Variants in R3HDM1 observed in about 807,000 individuals in gnomAD.
R3HDM1 encodes R3H domain containing 1.
R3HDM1 carries 46 observed loss-of-function variants against 141.1 expected under a neutral mutation model. The observed-to-expected ratio is 0.33, with a 90% confidence interval of 0.26 to 0.42. The LOEUF is 0.42. Among genes scored for constraint, R3HDM1 ranks in the 10% least tolerant of loss-of-function variants. The pLI is 1.00. For missense variants in R3HDM1, 1,184 were observed against 1,368.3 expected (o/e 0.87, Z 2.12); for synonymous variants, 435 against 472.9 (o/e 0.92, Z 1.04).
chr2:135,638,626 T>C lies in R3HDM1; in HGVS notation c.912T>C (p.Cys304=). 1 of 1,609,172 alleles carries C rather than the reference T, an allele frequency of 6.2e-7. No homozygotes were observed. The highest frequency in any genetic ancestry group is 8.5e-7 in the Non-Finnish European group (1 of 1,175,748). The change falls in exon 12 of 27, where the codon TGT becomes TGC. Residue 304 remains cysteine (C), a synonymous_variant. Transcript: ENST00000683871. The part of the protein sequence containing the change: ...RDRIFSQDSL[C]SQENYIIDKR... Reference sequence around the variant, plus strand: ...TCTATTCTTTTTTCTAGTCCCTGTGTTCCCAAGAGAATTACATTATTGACA... The same window carrying C: ...TCTATTCTTTTTTCTAGTCCCTGTGCTCCCAAGAGAATTACATTATTGACA...
intron 18 of R3HDM1, among the ~76,000 whole-genome samples, chr2:135,660,824 C>T (rs1289214785): frequency 1.4e-5 from 2 of 142,104 alleles, no homozygotes; most frequent in South Asian, 2.2e-4. Context: ...CCAACCTGGG[C>T]GACAGAATGA....
intron 1 of R3HDM1, among the ~76,000 whole-genome samples, chr2:135,587,419 C>A (rs1035785566): frequency 5.3e-5 from 8 of 152,156 alleles, no homozygotes; most frequent in African/African-American, 1.7e-4. Flanking sequence ...TAATTCATCT[C>A]TTTTCTAGAG....
intron 21 of R3HDM1, among the ~76,000 whole-genome samples, chr2:135,687,415 T>A (rs220332): frequency 0.029 from 4,465 of 152,280 alleles, 199 homozygotes; most frequent in African/African-American, 0.093. Context: ...GCTCTCGTGT[T>A]TAAAACAAAC....
Position 135,622,639 on chromosome 2 carries a change from G to A in R3HDM1, c.419-15G>A, listed in dbSNP as rs779826471. On this transcript the variant is annotated splice_polypyrimidine_tract_variant and intron_variant, in intron 6 of 26. Transcript: ENST00000683871. Reference sequence around the variant, plus strand: ...AAACAACTTTATACTGGGTTTTTGTGTTGTTGTTTTTTAGATTCCAGTCAA... The same window carrying A: ...AAACAACTTTATACTGGGTTTTTGTATTGTTGTTTTTTAGATTCCAGTCAA... 5.7e-6 allele frequency: 9 copies of A among 1,586,274 alleles called. No individual in the cohort carries two copies. In the Admixed American group the frequency reaches 1.6e-4, roughly 28 times the overall value.
At chr2:135,588,665 A>G (rs1358138963) in intron 1 of R3HDM1, among the ~76,000 whole-genome samples, 2 of 152,132 alleles carry the variant, frequency 1.3e-5, no homozygotes, top group South Asian at 2.1e-4. Context: ...TTTGTCTTCT[A>G]AAGATATATG....
intron 1 of R3HDM1, among the ~76,000 whole-genome samples, chr2:135,550,458 T>C (rs1699620343): frequency 6.6e-6 from 1 of 152,220 alleles, no homozygotes; most frequent in South Asian, 2.1e-4. Context: ...TGTACTTCAT[T>C]AGCATTTAAC....
intron 7 of R3HDM1, among the ~76,000 whole-genome samples, chr2:135,627,346 A>G (rs2062149824): frequency 6.6e-6 from 1 of 152,146 alleles, no homozygotes; most frequent in Non-Finnish European, 1.5e-5. Flanking sequence ...TTTAATTTCA[A>G]GATTTTTGTT....
chr2:135,721,092 A>G (rs1203015243), intron 24 of R3HDM1, among the ~76,000 whole-genome samples: 1 of 152,196 alleles, frequency 6.6e-6, no homozygotes, highest in Non-Finnish European at 1.5e-5. Context: ...AGTTCCTACC[A>G]TGCACCCTCC....
intron 19 of R3HDM1, among the ~76,000 whole-genome samples, chr2:135,674,938 GTT>G (rs113400095): frequency 1.6e-4 from 20 of 124,330 alleles, no homozygotes; most frequent in African/African-American, 1.7e-4. Flanking sequence ...AATAGTTGTT[GTT>G]TTTTTTTTTT....
At chr2:135,537,607 CCTTATTTTATTTTAT>C (rs1346249651) in intron 1 of R3HDM1, among the ~76,000 whole-genome samples, 1 of 130,048 alleles carries the variant, frequency 7.7e-6, no homozygotes, top group Non-Finnish European at 1.6e-5. Context: ...TTTAGTGAGC[CCTTATTTTATTTTAT>C]TTTATTTTAT....
chr2:135,706,135 A>G (rs1285598494), intron 21 of R3HDM1, among the ~76,000 whole-genome samples: 1 of 151,844 alleles, frequency 6.6e-6, no homozygotes, highest in Non-Finnish European at 1.5e-5. Context: ...TCTCGAAAAA[A>G]AAAAAAAAAA....
intron 1 of R3HDM1, among the ~76,000 whole-genome samples, chr2:135,595,191 G>A (rs771330354): frequency 5.3e-5 from 8 of 152,082 alleles, no homozygotes; most frequent in Non-Finnish European, 1.2e-4. Flanking sequence ...TGAAATCATC[G>A]TTCTGCCATC....
chr2:135,662,527 CT>C (rs1219047182), intron 19 of R3HDM1, among the ~76,000 whole-genome samples: 1 of 152,114 alleles, frequency 6.6e-6, no homozygotes. Flanking sequence ...AGGTTCTCCC[CT>C]TTTTAGTATG....
rs547910720 is a variant in R3HDM1, at chr2:135,574,983, G to A, written c.-249-27517G>A. Among the ~76,000 whole-genome samples the A allele has an allele frequency of 4.6e-5, 7 of 152,192 alleles. No individual in the cohort carries two copies. In the South Asian group the frequency reaches 1.5e-3, roughly 32 times the overall value. On this transcript the variant is annotated intron_variant, in intron 1 of 26. Coordinates refer to ENST00000683871, the MANE Select transcript of R3HDM1 (RefSeq NM_001378107.1). Reference sequence around the variant, plus strand: ...ATTAACCAATATAGTTAGATACATCGATTTAAGGCATAAGAATGGGTAAAG... The same window carrying A: ...ATTAACCAATATAGTTAGATACATCAATTTAAGGCATAAGAATGGGTAAAG...
chr2:135,555,261 C>T (rs1700524001), intron 1 of R3HDM1, among the ~76,000 whole-genome samples: 1 of 148,928 alleles, frequency 6.7e-6, no homozygotes, highest in African/African-American at 2.5e-5. Context: ...CGAGCCACTG[C>T]ACTCCAGCCT....
chr2:135,632,069 C>CT, intron 9 of R3HDM1, 68 bp downstream of exon 9: 1 of 1,237,102 alleles, frequency 8.1e-7, no homozygotes, highest in Non-Finnish European at 1.1e-6. Context: ...TCTATATTAC[C>CT]TTTCATCTGA....
chr2:135,705,364 C>A (rs1169160868), intron 21 of R3HDM1, among the ~76,000 whole-genome samples: 1 of 152,162 alleles, frequency 6.6e-6, no homozygotes, highest in African/African-American at 2.4e-5. Context: ...CCTTCTGACA[C>A]CCAAATACAT....
In R3HDM1 at chr2:135,641,708, A is replaced by G; in HGVS notation, c.1392A>G (p.Ala464=). 1 of 1,614,154 alleles carries G rather than the reference A, an allele frequency of 6.2e-7. No individual in the cohort carries two copies. ...SFDGGLNGQV[A]SPSTSFFLLP... ...ATGGTGGCCTAAATGGGCAAGTCGC[A>G]TCTCCTAGCACTAGCTTCTTTTTGC... The change falls in exon 15 of 27, where the codon GCA becomes GCG. Residue 464 remains alanine, a synonymous_variant. Coordinates refer to ENST00000683871, the MANE Select transcript of R3HDM1 (RefSeq NM_001378107.1).
At chr2:135,614,113 A>G (rs2060796931) in intron 3 of R3HDM1, among the ~76,000 whole-genome samples, 1 of 152,202 alleles carries the variant, frequency 6.6e-6, no homozygotes, top group Non-Finnish European at 1.5e-5. Flanking sequence ...TACAGCAGGA[A>G]CCTAAAACAT....
Sources: gnomAD v4.1 joint callset for allele counts (sites outside exome capture counted in the v4.1 genomes callset) on GRCh38, gnomAD v4.1.1 for gene constraint, MANE v1.5 for transcripts, NCBI Gene and HGNC (gene_info 2026-07-23, HGNC 2026-07-21) for gene names.